The following MUC3A variants were observed in gnomAD, a reference collection of about 807,000 sequenced individuals.
MUC3A encodes mucin-3A.
In MUC3A, 109 loss-of-function variants were observed where a neutral mutation model predicts 109.0. The observed-to-expected ratio is 1.00, with a 90% CI of 0.86 to 1.17. MUC3A has a LOEUF of 1.17. MUC3A is among the 50% of genes most tolerant of loss of function. The pLI, the probability that MUC3A is intolerant of heterozygous loss-of-function variation, is 0.00. For missense variants in MUC3A, 3,537 were observed against 2,469.4 expected (o/e 1.43, Z -9.16); for synonymous variants, 1,398 against 981.4 (o/e 1.42, Z -7.93).
chr7:100,959,460 A>G lies in MUC3A; in HGVS notation c.7681A>G (p.Thr2561Ala). 3 of 1,567,452 alleles carry G rather than the reference A, an allele frequency of 1.9e-6. No individual in the cohort carries two copies. The highest frequency in any genetic ancestry group is 2.6e-6 in the Non-Finnish European group (3 of 1,166,656). Reference sequence around the variant, plus strand: ...AATGACCCTCAGAATTACTGAGAACACCCCAATCAGTTCCTTTAGCACAAG... The same window carrying G: ...AATGACCCTCAGAATTACTGAGAACGCCCCAATCAGTTCCTTTAGCACAAG... ...VRMTLRITEN[T>A]PISSFSTSIV... Residue 2561 changes from threonine (T) to alanine (A), a missense_variant, in exon 2 of 12, where the codon ACC becomes GCC. Coordinates refer to ENST00000379458, the MANE Select transcript of MUC3A (RefSeq NM_005960.2).
Position 100,956,796 on chromosome 7 carries a change from G to A in MUC3A, c.5017G>A (p.Gly1673Arg), listed in dbSNP as rs1375203793. The A allele has an allele frequency of 2.5e-6, 1 of 397,622 alleles. No homozygotes were observed. Among genetic ancestry groups the A allele is most frequent in the Non-Finnish European group, 4.4e-6 (1 of 229,524 alleles). The allele number at this position is 397,622 out of a possible 1,614,324, so 24.6% of individuals were successfully genotyped here. Reference sequence around the variant, plus strand: ...CTCTTCCATGTCTGCCAGCAGTGTAGGGACCACTCACACCCAGAGTATCTC... The same window carrying A: ...CTCTTCCATGTCTGCCAGCAGTGTAAGGACCACTCACACCCAGAGTATCTC... ...FSSSMSASSV[G>R]TTHTQSISSP... The change falls in exon 2 of 12, where the codon GGG (glycine) becomes AGG (arginine). Residue 1673 changes from glycine to arginine, a missense_variant. Physicochemically the swap from Gly to Arg is moderately radical, Grantham distance 125 (BLOSUM62 -2). Coordinates refer to ENST00000379458, the MANE Select transcript of MUC3A (RefSeq NM_005960.2).
At position 100,959,861 on chromosome 7, in the gene MUC3A, A is replaced by G. The variant is rs201312695; in HGVS notation, c.8082A>G (p.Pro2694=). The change falls in exon 2 of 12, where the codon CCA becomes CCG. Residue 2694 remains proline (P), a synonymous_variant. Transcript: ENST00000379458. ...CCACTATTATCATGTCCTCTTCTCC[A>G]TCTTCTGCCAGCATAACTCCAGTGT... is the stretch of plus-strand genomic sequence containing the variant. ...STPTIIMSSS[P]SSASITPVFS... is the part of the protein sequence containing the mutation. The G allele has an allele frequency of 0.015, 22,591 of 1,485,490 alleles. No homozygotes were observed. The highest frequency in any genetic ancestry group is 0.022 in the Middle Eastern group (125 of 5,562). 92.0% of individuals were successfully genotyped at this position (1,485,490 alleles called of 1,614,324 possible).
chr7:100,953,760 A>C lies in MUC3A; in HGVS notation c.1981A>C (p.Thr661Pro). 1 of 411,386 alleles carries C rather than the reference A, an allele frequency of 2.4e-6. No homozygotes were observed. Among genetic ancestry groups the C allele is most frequent in the South Asian group, 9.9e-5 (1 of 10,128 alleles). 25.5% of individuals were successfully genotyped at this position (411,386 alleles called of 1,614,324 possible). The stretch of plus-strand genomic sequence containing the variant: ...TCCTCCCACAACCACCAATTCTTTT[A>C]CATCACTGACCAGTATGCCTCTGTC... Reference protein sequence around the residue: ...TSPPTTTNSFTSLTSMPLSST... With the variant: ...TSPPTTTNSFPSLTSMPLSST... The change falls in exon 2 of 12, where the codon ACA becomes CCA. Residue 661 changes from threonine (T) to proline (P), a missense_variant. Coordinates refer to ENST00000379458, the MANE Select transcript of MUC3A (RefSeq NM_005960.2).
Position 100,952,270 on chromosome 7 carries a change from A to C in MUC3A, c.491A>C (p.Gln164Pro). 6.3e-7 allele frequency: 1 copy of C among 1,598,494 alleles called. No homozygotes were observed. The highest frequency in any genetic ancestry group is 2.2e-5 in the East Asian group (1 of 44,888). Residue 164 changes from glutamine (Q) to proline (P), a missense_variant, in exon 2 of 12, where the codon CAG (glutamine) becomes CCG (proline). Physicochemically the swap from Gln to Pro is moderately conservative, Grantham distance 76 (BLOSUM62 -1). Transcript: ENST00000379458. ...TCTTACACCTCGACTCCCGTGACACAGAAGCCAGTGACCACCGTCACCAGT... is the reference window on the plus strand; with the variant it reads ...TCTTACACCTCGACTCCCGTGACACCGAAGCCAGTGACCACCGTCACCAGT... ...TSSYTSTPVT[Q>P]KPVTTVTSTY...
At chr7:100,965,123 A>T (rs1193451864) in intron 6 of MUC3A, 159 bp from the exon 7 acceptor site, 1 of 1,047,450 alleles carries the variant, frequency 9.5e-7, no homozygotes, top group Non-Finnish European at 1.3e-6. Context: ...AGGCAACAGG[A>T]GTCTTCGCCT....
At position 100,958,531 on chromosome 7, in the gene MUC3A, A is replaced by G. The variant is rs531815314; in HGVS notation, c.6752A>G (p.His2251Arg). The G allele has an allele frequency of 3.4e-5, 46 of 1,344,520 alleles. No individual in the cohort carries two copies. The Admixed American group carries it at 5.2e-4, about 15-fold the overall frequency. The allele number at this position is 1,344,520 out of a possible 1,614,324, so 83.3% of individuals were successfully genotyped here. A position where few individuals can be genotyped will look rare whatever the true frequency, so the allele number is the denominator to read the frequency against. Reference protein sequence around the residue: ...SSITTTETTSHSTPSFTSSIT... With the variant: ...SSITTTETTSRSTPSFTSSIT... ...ATCACCACCACTGAGACTACATCCCACAGTACTCCCAGCTTCACTTCTTCG... is the reference window on the plus strand; with the variant it reads ...ATCACCACCACTGAGACTACATCCCGCAGTACTCCCAGCTTCACTTCTTCG... The change falls in exon 2 of 12, where the codon CAC becomes CGC. Residue 2251 changes from histidine to arginine, a missense_variant. By Grantham distance (29) the His-to-Arg change is conservative. Transcript: ENST00000379458.
In MUC3A at chr7:100,952,130, C is replaced by G. The variant is rs1791963668; in HGVS notation, c.351C>G (p.Pro117=). The G allele has an allele frequency of 6.3e-7, 1 of 1,598,432 alleles. No individual in the cohort carries two copies. Among genetic ancestry groups the G allele is most frequent in the African/African-American group, 1.3e-5 (1 of 74,960 alleles). Residue 117 remains proline (P), a synonymous_variant, in exon 2 of 12, where the codon CCC becomes CCG. Transcript: ENST00000379458. ...KFAFKVETTP[P]TVLVYSATTE... ...CCTTCAAGGTTGAAACCACTCCACC[C>G]ACCGTGTTGGTCTATTCAGCCACCA...
Position 100,958,631 on chromosome 7 carries a change from A to G in MUC3A, c.6852A>G (p.Ser2284=). ...CAATCACCACCAGTGAGACCCCCTC[A>G]CACAGTACTCCCAGCTCCACTTCTT... ...TSSITTSETP[S]HSTPSSTSLI... Residue 2284 remains serine (S), a synonymous_variant, in exon 2 of 12, where the codon TCA becomes TCG. Transcript: ENST00000379458. 1.4e-6 allele frequency: 2 copies of G among 1,470,396 alleles called. No homozygotes were observed. The highest frequency in any genetic ancestry group is 1.8e-6 in the Non-Finnish European group (2 of 1,085,698). 91.1% of individuals were successfully genotyped at this position (1,470,396 alleles called of 1,614,324 possible).
chr7:100,959,376 C>G lies in MUC3A; in HGVS notation c.7597C>G (p.Gln2533Glu), dbSNP rs1469256408. Reference protein sequence around the residue: ...THIISSSPSIQSTETSSLVGT... With the variant: ...THIISSSPSIESTETSSLVGT... ...CATCATTTCATCTTCTCCCTCCATCCAAAGTACAGAAACCTCATCCCTTGT... is the reference window on the plus strand; with the variant it reads ...CATCATTTCATCTTCTCCCTCCATCGAAAGTACAGAAACCTCATCCCTTGT... Residue 2533 changes from glutamine (Q) to glutamate (E), a missense_variant, in exon 2 of 12, where the codon CAA becomes GAA. Physicochemically the swap from Gln to Glu is conservative, Grantham distance 29 (BLOSUM62 2). Coordinates refer to ENST00000379458, the MANE Select transcript of MUC3A (RefSeq NM_005960.2). 4.5e-6 allele frequency: 7 copies of G among 1,539,096 alleles called. No homozygotes were observed. The highest frequency in any genetic ancestry group is 5.2e-6 in the Non-Finnish European group (6 of 1,152,162).
At chr7:100,964,554 A>G (rs1226962187) in intron 5 of MUC3A, 141 bp from the exon 6 acceptor site, 2 of 1,360,460 alleles carry the variant, frequency 1.5e-6, no homozygotes, top group Non-Finnish European at 1.9e-6. Flanking sequence ...GCCCCTTCTG[A>G]AAAGGATGCA....
Position 100,960,500 on chromosome 7 carries a change from C to G in MUC3A, c.8721C>G (p.Ser2907Arg), listed in dbSNP as rs1792285806. ...TCCCGACCATCCTGAGGACTTCAAGCAAGTCAACACACCCCTCCCCACCCA... is the reference window on the plus strand; with the variant it reads ...TCCCGACCATCCTGAGGACTTCAAGGAAGTCAACACACCCCTCCCCACCCA... ...SSLPTILRTS[S>R]KSTHPSPPTT... Residue 2907 changes from serine (S) to arginine (R), a missense_variant, in exon 2 of 12, where the codon AGC becomes AGG. By Grantham distance (110) the Ser-to-Arg change is moderately radical (BLOSUM62 -1). Transcript: ENST00000379458. 3 of 1,598,706 alleles carry G rather than the reference C, an allele frequency of 1.9e-6. No individual in the cohort carries two copies. Among genetic ancestry groups the G allele is most frequent in the Non-Finnish European group, 2.5e-6 (3 of 1,179,826 alleles).
chr7:100,966,568 G>GTAGATCT lies in MUC3A; in HGVS notation c.9785+9_9785+10insTAGATCT. On this transcript the variant is annotated intron_variant, in intron 9 of 11. Transcript: ENST00000379458. ...GGCCAGCGCCGAGGCCGGTGAGCGTGCGGGGGGCGGGGCCGGGGGGCGAGG... is the reference window on the plus strand; with the variant it reads ...GGCCAGCGCCGAGGCCGGTGAGCGTGTAGATCTCGGGGGGCGGGGCCGGGGGGCGAGG... 1 of 1,491,506 alleles carries GTAGATCT rather than the reference G, an allele frequency of 6.7e-7. No individual in the cohort carries two copies. Among genetic ancestry groups the GTAGATCT allele is most frequent in the Admixed American group, 2.2e-5 (1 of 44,490 alleles). The allele number at this position is 1,491,506 out of a possible 1,614,324, so 92.4% of individuals were successfully genotyped here. A position where few individuals can be genotyped will look rare whatever the true frequency, so the allele number is the denominator to read the frequency against.
Position 100,958,569 on chromosome 7 carries a change from GA to G in MUC3A, c.6791del (p.Glu2264GlyfsTer30). 1.5e-6 allele frequency: 2 copies of G among 1,339,154 alleles called. No individual in the cohort carries two copies. The highest frequency in any genetic ancestry group is 2.0e-6 in the Non-Finnish European group (2 of 992,738). 83.0% of individuals were successfully genotyped at this position (1,339,154 alleles called of 1,614,324 possible). A position where few individuals can be genotyped will look rare whatever the true frequency, so the allele number is the denominator to read the frequency against. On this transcript the variant is annotated frameshift_variant, in exon 2 of 12. Transcript: ENST00000379458. LOFTEE classifies it high-confidence loss of function. ...CTTCACTTCTTCGATCACCACCACT[GA>G]GACCACCTCACATGATACTCCCAGC... The part of the protein sequence containing the change: ...PSFTSSITTT[E>X]TTSHDTPSFT...
chr7:100,965,822 T>C lies in MUC3A; in HGVS notation c.9567T>C (p.Cys3189=), dbSNP rs1325306669. ...CTSGVDNAID[C]HQGQCVLETS... is the part of the protein sequence containing the mutation. ...CGGGGGTGGACAACGCCATCGACTG[T>C]CACCAGGGCCAGTGCGTTCTGGAGA... The change falls in exon 8 of 12, where the codon TGT becomes TGC. Residue 3189 remains cysteine, a synonymous_variant. Transcript: ENST00000379458. The C allele has an allele frequency of 1.9e-6, 3 of 1,597,290 alleles. No homozygotes were observed. The highest frequency in any genetic ancestry group is 2.5e-6 in the Non-Finnish European group (3 of 1,179,028).
intron 3 of MUC3A, among the ~76,000 whole-genome samples, chr7:100,962,925 G>A (rs375092947): frequency 4.6e-5 from 7 of 152,268 alleles, no homozygotes; most frequent in East Asian, 3.8e-4. Flanking sequence ...ATGCAATCTC[G>A]GCTCACTACA....
chr7:100,966,833 C>A (rs1266653544), intron 10 of MUC3A, 66 bp from the exon 11 acceptor site: 1 of 1,598,388 alleles, frequency 6.3e-7, no homozygotes, highest in South Asian at 1.1e-5. Flanking sequence ...CGCATTTACT[C>A]CGTCCCCCTC....
chr7:100,963,011 C>G, intron 3 of MUC3A, 140 bp from the exon 4 acceptor site: 1 of 896,454 alleles, frequency 1.1e-6, no homozygotes, highest in Non-Finnish European at 1.7e-6. Context: ...ATTCCTACAT[C>G]TGTTCCTGCC....
rs764906874 is a variant in MUC3A, at chr7:100,960,662, C to G, written c.8866+17C>G. 3 of 1,593,810 alleles carry G rather than the reference C, an allele frequency of 1.9e-6. No individual in the cohort carries two copies. Among genetic ancestry groups the G allele is most frequent in the Admixed American group, 1.7e-5 (1 of 59,724 alleles). On this transcript the variant is annotated intron_variant, in intron 2 of 11. Transcript: ENST00000379458. Reference sequence around the variant, plus strand: ...CCACTGCAGGTTGGACCTTCTGCCTCTCTGTTCCCCTCCTTCCTCCCCTGC... The same window carrying G: ...CCACTGCAGGTTGGACCTTCTGCCTGTCTGTTCCCCTCCTTCCTCCCCTGC...
intron 3 of MUC3A, among the ~76,000 whole-genome samples, chr7:100,961,458 A>G (rs1792323700): frequency 1.2e-5 from 1 of 81,666 alleles, no homozygotes; most frequent in Non-Finnish European, 2.8e-5. Context: ...GGCCTCCTCA[A>G]TTGCTTCTCC....
Sources: allele counts gnomAD v4.1 joint callset (sites outside exome capture counted in the v4.1 genomes callset), GRCh38; gene constraint gnomAD v4.1.1; transcripts MANE v1.5; gene names NCBI Gene and HGNC (gene_info 2026-07-23, HGNC 2026-07-21).